UNC5C: variants seen among roughly 807,000 people sequenced by gnomAD.
The protein encoded by UNC5C is netrin receptor UNC5C.
UNC5C carries 47 observed loss-of-function variants against 99.8 expected under a neutral mutation model. The observed-to-expected ratio is 0.47, with a 90% CI of 0.37 to 0.60. The LOEUF (loss-of-function observed/expected upper bound fraction) is 0.60, where lower values mean the gene tolerates loss of function less well. Among genes scored for constraint, UNC5C ranks in the 20% least tolerant of loss-of-function variants. The probability of loss-of-function intolerance (pLI) is 0.00; values close to 1 mark genes in which losing one functional copy is unlikely to be tolerated. For synonymous variants in UNC5C, 487 were observed against 452.2 expected, an observed-to-expected ratio of 1.08 and a Z score of -0.98; for missense variants, 1,062 against 1,165.9, an observed-to-expected ratio of 0.91 and a Z score of 1.30.
intron 12 of UNC5C, among the ~76,000 whole-genome samples, chr4:95,200,551 T>C (rs955934358): frequency 3.3e-5 from 5 of 152,244 alleles, no homozygotes; most frequent in Non-Finnish European, 7.3e-5. Context: ...TAATGGTGCC[T>C]TATAGATAAA....
intron 11 of UNC5C, 72 bp downstream of exon 11, chr4:95,206,556 C>A: frequency 6.3e-7 from 1 of 1,590,766 alleles, no homozygotes; most frequent in Admixed American, 1.8e-5. Context: ...AAATAAAAGG[C>A]CTCCCATAAT....
At chr4:95,488,754 T>C (rs975650445) in intron 1 of UNC5C, among the ~76,000 whole-genome samples, 8 of 151,718 alleles carry the variant, frequency 5.3e-5, no homozygotes, top group Non-Finnish European at 8.8e-5. Context: ...CTGAGAATAG[T>C]TCTATTCGCA....
At chr4:95,274,685 A>G (rs1037040746) in intron 4 of UNC5C, among the ~76,000 whole-genome samples, 2 of 152,132 alleles carry the variant, frequency 1.3e-5, no homozygotes, top group Non-Finnish European at 2.9e-5. Flanking sequence ...GGGCTGGTCT[A>G]GTGTCCTGAG....
At chr4:95,342,519 G>A (rs1164721981) in intron 1 of UNC5C, among the ~76,000 whole-genome samples, 3 of 151,974 alleles carry the variant, frequency 2.0e-5, no homozygotes, top group Non-Finnish European at 2.9e-5. Flanking sequence ...ATATCCAGGC[G>A]GTACATGCTG....
chr4:95,268,974 A>G (rs188086659), intron 4 of UNC5C, among the ~76,000 whole-genome samples: 3 of 152,358 alleles, frequency 2.0e-5, no homozygotes, highest in African/African-American at 7.2e-5. Context: ...ATGTACACTC[A>G]GCCAAGCCAA....
At chr4:95,387,224 G>A (rs2149443936) in intron 1 of UNC5C, among the ~76,000 whole-genome samples, 1 of 151,940 alleles carries the variant, frequency 6.6e-6, no homozygotes, top group African/African-American at 2.4e-5. Flanking sequence ...CTGCAGCCTT[G>A]GCCTTCCTGG....
chr4:95,222,192 T>G (rs1237222539), intron 7 of UNC5C: 1 of 1,484,952 alleles, frequency 6.7e-7, no homozygotes, highest in East Asian at 2.5e-5. Flanking sequence ...CAACATAAAA[T>G]CCAAACATCA....
At chr4:95,323,228 A>G (rs888047225) in intron 2 of UNC5C, among the ~76,000 whole-genome samples, 18 of 152,150 alleles carry the variant, frequency 1.2e-4, no homozygotes, top group Non-Finnish European at 1.9e-4. Flanking sequence ...TTGAGCCCCT[A>G]TTAAGTACCC....
intron 5 of UNC5C, among the ~76,000 whole-genome samples, chr4:95,247,272 A>G (rs1456151587): frequency 6.6e-6 from 1 of 152,060 alleles, no homozygotes; most frequent in Non-Finnish European, 1.5e-5. Context: ...TATGTTTTCT[A>G]TGGAGTTCTG....
chr4:95,262,792 G>T (rs1197603978), intron 4 of UNC5C, among the ~76,000 whole-genome samples: 1 of 151,490 alleles, frequency 6.6e-6, no homozygotes, highest in African/African-American at 2.4e-5. Flanking sequence ...AGTTAAAATA[G>T]AAAAAGGAAT....
chr4:95,215,996 G>A, intron 10 of UNC5C, 128 bp downstream of exon 10: 2 of 648,096 alleles, frequency 3.1e-6, no homozygotes, highest in South Asian at 4.7e-5. Context: ...GTAGGTCAAG[G>A]GAAAAAGAAT....
intron 1 of UNC5C, among the ~76,000 whole-genome samples, chr4:95,444,600 G>A (rs926945886): frequency 1.3e-5 from 2 of 152,224 alleles, no homozygotes; most frequent in Middle Eastern, 3.4e-3. Context: ...CAAAGTGCTG[G>A]GATTACAGGC....
intron 1 of UNC5C, among the ~76,000 whole-genome samples, chr4:95,402,665 T>C (rs951701624): frequency 2.6e-5 from 4 of 152,322 alleles, no homozygotes; most frequent in African/African-American, 9.6e-5. Context: ...TATCACTATA[T>C]AAATATGCTA....
chr4:95,376,012 C>T (rs796160917), intron 1 of UNC5C, among the ~76,000 whole-genome samples: 3 of 152,136 alleles, frequency 2.0e-5, no homozygotes, highest in African/African-American at 7.2e-5. Context: ...GAGATCATGC[C>T]ACTGCACTCC....
intron 13 of UNC5C, among the ~76,000 whole-genome samples, 162 bp downstream of exon 13, chr4:95,184,885 T>C (rs970413869): frequency 1.3e-5 from 2 of 152,244 alleles, no homozygotes; most frequent in Non-Finnish European, 2.9e-5. Flanking sequence ...CCCTCAAATA[T>C]GTCTGTGTTT....
At chr4:95,211,745 T>C (rs1222662137) in intron 10 of UNC5C, among the ~76,000 whole-genome samples, 1 of 152,206 alleles carries the variant, frequency 6.6e-6, no homozygotes, top group Admixed American at 6.5e-5. Flanking sequence ...TATAACTTTA[T>C]TTTCCCCATT....
intron 1 of UNC5C, among the ~76,000 whole-genome samples, chr4:95,349,295 CA>C (rs1743895055): frequency 1.5e-5 from 2 of 135,918 alleles, no homozygotes; most frequent in Non-Finnish European, 3.3e-5. Context: ...AAAATGCAGA[CA>C]AAAATAAAAA....
chr4:95,435,702 T>A (rs1578162005), intron 1 of UNC5C, among the ~76,000 whole-genome samples: 1 of 152,054 alleles, frequency 6.6e-6, no homozygotes, highest in African/African-American at 2.4e-5. Context: ...ATAACCCTCC[T>A]TCCACCTCTT....
chr4:95,415,500 A>G (rs1746135435), intron 1 of UNC5C, among the ~76,000 whole-genome samples: 1 of 152,270 alleles, frequency 6.6e-6, no homozygotes, highest in African/African-American at 2.4e-5. Context: ...CAAAAAAGGC[A>G]AGTAGATGAA....
Sources: gnomAD v4.1 joint callset for allele counts (sites outside exome capture counted in the v4.1 genomes callset) on GRCh38, gnomAD v4.1.1 for gene constraint, MANE v1.5 for transcripts, NCBI Gene and HGNC (gene_info 2026-07-23, HGNC 2026-07-21) for gene names.